The following SRGAP1 variants were observed in gnomAD, a reference collection of about 807,000 sequenced individuals.
SRGAP1 encodes the protein SLIT-ROBO Rho GTPase-activating protein 1.
A neutral mutation model predicts 121.9 loss-of-function variants in SRGAP1; 43 were observed. That is an observed-to-expected ratio of 0.35 (90% CI 0.28 to 0.46). SRGAP1 has a LOEUF of 0.46. Ranked by LOEUF, SRGAP1 falls within the 20% of genes least tolerant of loss-of-function variation. The pLI, the probability that SRGAP1 is intolerant of heterozygous loss-of-function variation, is 1.00. For synonymous variants in SRGAP1, 447 were observed against 485.4 expected, an observed-to-expected ratio of 0.92 and a Z score of 1.04; for missense variants, 1,102 against 1,350.9, an observed-to-expected ratio of 0.82 and a Z score of 2.89.
chr12:63,910,554 T>C (rs546384032), intron 1 of SRGAP1, among the ~76,000 whole-genome samples: 1 of 152,318 alleles, frequency 6.6e-6, no homozygotes, highest in South Asian at 2.1e-4. Flanking sequence ...TTGGGGTCTT[T>C]CTACAGGAAC....
chr12:63,844,752 G>A lies in SRGAP1; in HGVS notation c.-65G>A. ...TGGGAGTACAACTCTGCCTCTCCAA[G>A]GAGAACGGGTTGTGACCACTGAACA... On this transcript the variant is annotated 5_prime_UTR_variant, in exon 1 of 22. Coordinates refer to ENST00000355086, the MANE Select transcript of SRGAP1 (RefSeq NM_020762.4). The surrounding 1 kb of genome is among the most constrained non-coding windows in gnomAD (Gnocchi z 4.3). The A allele has an allele frequency of 3.3e-6, 5 of 1,532,482 alleles. No individual in the cohort carries two copies. Among genetic ancestry groups the A allele is most frequent in the Non-Finnish European group, 3.6e-6 (4 of 1,105,558 alleles). 94.9% of individuals were successfully genotyped at this position (1,532,482 alleles called of 1,614,324 possible).
intron 1 of SRGAP1, among the ~76,000 whole-genome samples, chr12:63,946,442 C>T (rs2032050369): frequency 6.6e-6 from 1 of 151,902 alleles, no homozygotes; most frequent in East Asian, 1.9e-4. Flanking sequence ...TTATCATGCC[C>T]CTTTGTAATC....
intron 1 of SRGAP1, among the ~76,000 whole-genome samples, chr12:63,935,285 G>T (rs7136341): frequency 3.2e-4 from 48 of 152,298 alleles, no homozygotes; most frequent in African/African-American, 1.1e-3. Context: ...AGAAAACTCT[G>T]TTGGCAAAAC....
chr12:63,970,734 C>G (rs1445429635), intron 1 of SRGAP1, among the ~76,000 whole-genome samples: 1 of 152,094 alleles, frequency 6.6e-6, no homozygotes, highest in African/African-American at 2.4e-5. Flanking sequence ...GGAACTGCCC[C>G]CTCCCTTATC....
At chr12:63,846,126 T>C (rs2136248526) in intron 1 of SRGAP1, among the ~76,000 whole-genome samples, 1 of 151,644 alleles carries the variant, frequency 6.6e-6, no homozygotes, top group East Asian at 1.9e-4. Flanking sequence ...AATGGAGTTA[T>C]CTATAGGCTG....
At chr12:63,852,554 G>A (rs1388700619) in intron 1 of SRGAP1, among the ~76,000 whole-genome samples, 2 of 152,162 alleles carry the variant, frequency 1.3e-5, no homozygotes, top group South Asian at 2.1e-4. Context: ...TTTCATGCAA[G>A]TGCAAGTAAC....
intron 1 of SRGAP1, among the ~76,000 whole-genome samples, chr12:63,894,921 G>A (rs545958945): frequency 1.7e-4 from 26 of 152,064 alleles, no homozygotes; most frequent in Non-Finnish European, 2.1e-4. Flanking sequence ...GAATAGTGCT[G>A]CAATAAACAC....
At chr12:64,082,590 C>T (rs374481369) in intron 10 of SRGAP1, among the ~76,000 whole-genome samples, 6 of 152,042 alleles carry the variant, frequency 3.9e-5, no homozygotes, top group African/African-American at 1.2e-4. Context: ...GCTGGGATTA[C>T]AGGCATTTGC....
rs2036992275 is a variant in SRGAP1, at chr12:64,143,011, G to C, written c.*339G>C. 1.6e-5 allele frequency: 4 copies of C among 243,784 alleles called. No homozygotes were observed. In the South Asian group the frequency reaches 2.8e-4, roughly 17 times the overall value. The allele number at this position is 243,784 out of a possible 1,614,324, so 15.1% of individuals were successfully genotyped here. On this transcript the variant is annotated 3_prime_UTR_variant, in exon 22 of 22. Transcript: ENST00000355086. ...TAATGTAGCCCAGCTGAGTCAGAAA[G>C]GTTGTGACCTGAAGGCAGAAGAACC...
At chr12:63,932,182 G>A (rs1364901838) in intron 1 of SRGAP1, among the ~76,000 whole-genome samples, 2 of 152,160 alleles carry the variant, frequency 1.3e-5, no homozygotes, top group African/African-American at 4.8e-5. Context: ...TTGGGAGGGT[G>A]AGGCAGGAGA....
chr12:64,116,018 G>A (rs190051455), intron 18 of SRGAP1, 125 bp downstream of exon 18: 1,419 of 827,836 alleles, frequency 1.7e-3, no homozygotes, highest in Non-Finnish European at 2.4e-3. Context: ...ACGTTGGGAA[G>A]CCAAGGTTGG....
chr12:63,946,263 T>C (rs2032042381), intron 1 of SRGAP1, among the ~76,000 whole-genome samples: 2 of 152,034 alleles, frequency 1.3e-5, no homozygotes, highest in African/African-American at 4.8e-5. Context: ...ATTATATCTA[T>C]TTGGATTTAT....
chr12:64,157,654 A>G lies in SRGAP1; in HGVS notation c.*14982A>G, dbSNP rs1022000464. 1.3e-5 allele frequency: 2 copies of G among 152,222 alleles called. No homozygotes were observed. Among genetic ancestry groups the G allele is most frequent in the Middle Eastern group, 3.2e-3 (1 of 316 alleles). 9.4% of individuals were successfully genotyped at this position (152,222 alleles called of 1,614,324 possible). A position where few individuals can be genotyped will look rare whatever the true frequency, so the allele number is the denominator to read the frequency against. ...GAATAAAATGTCTTTAAAAATTTAT[A>G]TTTCAAGTGTGTGGGGGCAATAAAG... On this transcript the variant is annotated 3_prime_UTR_variant, in exon 22 of 22. Transcript: ENST00000355086.
chr12:63,963,245 G>A (rs2032695028), intron 1 of SRGAP1, among the ~76,000 whole-genome samples: 1 of 152,048 alleles, frequency 6.6e-6, no homozygotes, highest in Non-Finnish European at 1.5e-5. Flanking sequence ...TTAAATATGA[G>A]TGTTACTACT....
chr12:64,046,319 G>A (rs778193485), intron 6 of SRGAP1, among the ~76,000 whole-genome samples: 1 of 152,136 alleles, frequency 6.6e-6, no homozygotes, highest in Non-Finnish European at 1.5e-5. Context: ...AGGGTTTTTT[G>A]AGCAGGGAAG....
intron 1 of SRGAP1, among the ~76,000 whole-genome samples, chr12:63,853,440 ATTG>A (rs1899141116): frequency 6.6e-6 from 1 of 152,242 alleles, no homozygotes; most frequent in Non-Finnish European, 1.5e-5. Context: ...CCACTGGTAA[ATTG>A]TTAACTAACT....
At chr12:63,991,682 A>C (rs2033560448) in intron 3 of SRGAP1, among the ~76,000 whole-genome samples, 1 of 152,198 alleles carries the variant, frequency 6.6e-6, no homozygotes, top group Non-Finnish European at 1.5e-5. Flanking sequence ...GACTACGATG[A>C]CAGGTGCTGA....
intron 1 of SRGAP1, chr12:63,983,129 A>G (rs1468791546): frequency 5.3e-5 from 8 of 152,232 alleles, no homozygotes; most frequent in Admixed American, 3.3e-4. Flanking sequence ...CAGCATCCCT[A>G]TAAGCCCTGA....
intron 1 of SRGAP1, among the ~76,000 whole-genome samples, chr12:63,905,474 G>A (rs924354368): frequency 5.3e-5 from 8 of 152,334 alleles, no homozygotes; most frequent in African/African-American, 1.9e-4. Flanking sequence ...AAAGCCAAGT[G>A]CATGTGCCAG....
Sources: gnomAD v4.1 joint callset for allele counts (sites outside exome capture counted in the v4.1 genomes callset) on GRCh38, gnomAD v4.1.1 for gene constraint, Gnocchi (gnomAD v3.1) non-coding constraint, MANE v1.5 for transcripts, NCBI Gene and HGNC (gene_info 2026-07-23, HGNC 2026-07-21) for gene names.